Variants in CCDC125 observed in about 807,000 individuals in gnomAD.
CCDC125 encodes coiled-coil domain containing 125, also known as coiled-coil domain-containing protein 125.
In CCDC125, 43 loss-of-function variants were observed where a neutral mutation model predicts 57.4. That is an observed-to-expected ratio of 0.75 (90% CI 0.59 to 0.97). CCDC125 has a LOEUF of 0.97. Among genes scored for constraint, CCDC125 ranks in the 50% least tolerant of loss-of-function variants. The pLI, the probability that CCDC125 is intolerant of heterozygous loss-of-function variation, is 0.00. For synonymous variants in CCDC125, 187 were observed against 195.2 expected (o/e 0.96, Z 0.35); for missense variants, 563 against 595.7 (o/e 0.95, Z 0.57).
At position 69,282,211 on chromosome 5, in the gene CCDC125, A is replaced by G. The variant is rs1752543662; in HGVS notation, c.*518T>C. ...CCAGCCTGTAATGTAATTTATAAAT[A>G]CAGTAATGTAATTTATAAATAAAAT... On this transcript the variant is annotated 3_prime_UTR_variant, in exon 12 of 12. Coordinates refer to ENST00000396496, the MANE Select transcript of CCDC125 (RefSeq NM_176816.5). 1 of 152,210 alleles carries G rather than the reference A, an allele frequency of 6.6e-6. No homozygotes were observed. The highest frequency in any genetic ancestry group is 2.1e-4 in the South Asian group (1 of 4,830). The allele number at this position is 152,210 out of a possible 1,614,324, so 9.4% of individuals were successfully genotyped here. A position where few individuals can be genotyped will look rare whatever the true frequency, so the allele number is the denominator to read the frequency against.
At chr5:69,314,390 G>A (rs764695018) in intron 2 of CCDC125, among the ~76,000 whole-genome samples, 18 of 152,018 alleles carry the variant, frequency 1.2e-4, no homozygotes, top group Non-Finnish European at 1.9e-4. Flanking sequence ...ACTTGAACCC[G>A]GGACATGGAG....
chr5:69,326,005 G>A (rs565408649), intron 1 of CCDC125, among the ~76,000 whole-genome samples: 2 of 152,088 alleles, frequency 1.3e-5, no homozygotes, highest in East Asian at 1.9e-4. Context: ...CACCTTGCCA[G>A]GCTAATTTTT....
chr5:69,296,177 C>T (rs1334608014), intron 8 of CCDC125, among the ~76,000 whole-genome samples: 2 of 151,988 alleles, frequency 1.3e-5, no homozygotes, highest in Admixed American at 6.6e-5. Context: ...CCATCGCACC[C>T]GGCCTAAAAC....
At chr5:69,296,426 C>A (rs1755332934) in intron 8 of CCDC125, among the ~76,000 whole-genome samples, 1 of 151,972 alleles carries the variant, frequency 6.6e-6, no homozygotes, top group East Asian at 2.0e-4. Context: ...GTGGCTCATG[C>A]CTGTAATCCC....
chr5:69,306,323 G>GT (rs1757323226), intron 6 of CCDC125, among the ~76,000 whole-genome samples: 1 of 151,840 alleles, frequency 6.6e-6, no homozygotes. Flanking sequence ...TTTGGTTTTT[G>GT]TTTTTTTGTT....
downstream of CCDC125, chr5:69,276,521 T>C (rs1752157120): frequency 1.2e-6 from 2 of 1,610,372 alleles, no homozygotes; most frequent in Non-Finnish European, 1.7e-6. Context: ...TACCTTACTT[T>C]TGGTATCTTT....
chr5:69,329,231 G>C (rs1761114030), intron 1 of CCDC125, among the ~76,000 whole-genome samples: 1 of 151,898 alleles, frequency 6.6e-6, no homozygotes, highest in Non-Finnish European at 1.5e-5. Context: ...GGAGTGCAGT[G>C]ACAGCTCACT....
rs538165104 is a variant in CCDC125, at chr5:69,326,709, G to A, written c.-41+5940C>T. ...GCTATTCAGAGTTGAATATAATGAG[G>A]TTTTGTTGTTGTTTTGTTTGTTTTT... On this transcript the variant is annotated intron_variant, in intron 1 of 11. Transcript: ENST00000396496. 9.2e-5 allele frequency among the ~76,000 whole-genome samples: 14 copies of A among 152,214 alleles called. No individual in the cohort carries two copies. The South Asian group carries it at 2.7e-3, about 29-fold the overall frequency.
At chr5:69,315,594 T>A (rs1758934201) in intron 2 of CCDC125, among the ~76,000 whole-genome samples, 1 of 150,246 alleles carries the variant, frequency 6.7e-6, no homozygotes. Context: ...CCATCTCTAC[T>A]AACAAATACA....
chr5:69,278,645 A>T (rs945427299), downstream of CCDC125, among the ~76,000 whole-genome samples: 1 of 150,948 alleles, frequency 6.6e-6, no homozygotes, highest in Non-Finnish European at 1.5e-5. Flanking sequence ...ATGCATAACA[A>T]TGTACAGCAT....
rs1277834017 is a variant in CCDC125 at position 69,318,249 on chromosome 5, G to A, written c.304+1988C>T. Among the ~76,000 whole-genome samples, 3 of 151,460 alleles carry A rather than the reference G, an allele frequency of 2.0e-5. No individual in the cohort carries two copies. In the East Asian group the frequency reaches 6.0e-4, roughly 30 times the overall value. ...CCCGCCTCAGCCTCCCAAAGTGCTG[G>A]GATTACAGGCGTGAGCCACAGCACC... On this transcript the variant is annotated intron_variant, in intron 2 of 11. Transcript: ENST00000396496.
At chr5:69,328,270 TTACTC>T (rs1292846320) in intron 1 of CCDC125, among the ~76,000 whole-genome samples, 2 of 152,174 alleles carry the variant, frequency 1.3e-5, no homozygotes, top group Admixed American at 6.5e-5. Context: ...ATTCAGCAAT[TTACTC>T]TACCATTTAA....
At chr5:69,287,012 A>C (rs1326003975) in intron 10 of CCDC125, among the ~76,000 whole-genome samples, 2 of 145,460 alleles carry the variant, frequency 1.4e-5, no homozygotes, top group Admixed American at 1.4e-4. Context: ...AAAAAAAAAA[A>C]ACCCAAAAGC....
chr5:69,288,463 G>A (rs1753864015), intron 10 of CCDC125, among the ~76,000 whole-genome samples: 2 of 152,196 alleles, frequency 1.3e-5, no homozygotes, highest in African/African-American at 4.8e-5. Flanking sequence ...AAAGGGTCTG[G>A]GGAGCTTCCA....
At chr5:69,323,162 A>G (rs1196979341) in intron 1 of CCDC125, among the ~76,000 whole-genome samples, 2 of 151,940 alleles carry the variant, frequency 1.3e-5, no homozygotes, top group East Asian at 2.0e-4. Flanking sequence ...CAAAAAAATT[A>G]GCCGGGCATT....
At position 69,302,845 on chromosome 5, in the gene CCDC125, TACTTAGGTTCTTCAA is replaced by T. The variant is rs373043229; in HGVS notation, c.700+987_700+1001del. Among the ~76,000 whole-genome samples the T allele has an allele frequency of 2.9e-3, 449 of 152,316 alleles. 3 individuals carry two copies. The highest frequency in any genetic ancestry group is 9.6e-3 in the African/African-American group (397 of 41,568). The stretch of plus-strand genomic sequence containing the variant: ...TATATACACACATATATATCATTTC[TACTTAGGTTCTTCAA>T]ATATCAGGTGCTCTACCATTTTGCT... On this transcript the variant is annotated intron_variant, in intron 7 of 11. Coordinates refer to ENST00000396496, the MANE Select transcript of CCDC125 (RefSeq NM_176816.5).
intron 1 of CCDC125, among the ~76,000 whole-genome samples, chr5:69,332,115 T>C (rs1389195994): frequency 6.6e-6 from 1 of 152,254 alleles, no homozygotes; most frequent in South Asian, 2.1e-4. Context: ...CCTAACTCCA[T>C]GACAAAGAGG....
chr5:69,305,879 G>A lies in CCDC125; in HGVS notation c.617+938C>T, dbSNP rs763131338. ...TGTCTTTATTTTTATTCCCACGTTC[G>A]TCTCCCTTTGTTCAGTCCAACAGGG... On this transcript the variant is annotated intron_variant, in intron 6 of 11. Coordinates refer to ENST00000396496, the MANE Select transcript of CCDC125 (RefSeq NM_176816.5). Among the ~76,000 whole-genome samples, 85 of 152,046 alleles carry A rather than the reference G, an allele frequency of 5.6e-4. 4 individuals are homozygous for A. The highest frequency in any genetic ancestry group is 1.9e-4 in the East Asian group (1 of 5,176).
intron 1 of CCDC125, among the ~76,000 whole-genome samples, chr5:69,323,475 G>A (rs544321527): frequency 1.1e-4 from 17 of 151,938 alleles, no homozygotes; most frequent in African/African-American, 3.9e-4. Context: ...ATTTAACCTC[G>A]TACTCTGAGT....
Sources: allele counts gnomAD v4.1 joint callset (sites outside exome capture counted in the v4.1 genomes callset), GRCh38; gene constraint gnomAD v4.1.1; transcripts MANE v1.5; gene names NCBI Gene and HGNC (gene_info 2026-07-23, HGNC 2026-07-21).